The following ABLIM2 variants were observed in gnomAD, a reference collection of about 807,000 sequenced individuals.
ABLIM2 encodes actin binding LIM protein family member 2.
ABLIM2 carries 53 observed loss-of-function variants against 97.7 expected under a neutral mutation model. That is an observed-to-expected ratio of 0.54 (90% confidence interval 0.44 to 0.68). The LOEUF (loss-of-function observed/expected upper bound fraction) is 0.68, where lower values mean the gene tolerates loss of function less well. Among genes scored for constraint, ABLIM2 ranks in the 30% least tolerant of loss-of-function variants. The pLI is 0.00. For missense variants in ABLIM2, 835 were observed against 867.2 expected (o/e 0.96, Z 0.47); for synonymous variants, 361 against 345.8 (o/e 1.04, Z -0.49).
Position 7,966,944 on chromosome 4 carries a change from CT to C in ABLIM2, c.*45del. On this transcript the variant is annotated 3_prime_UTR_variant, in exon 21 of 21. Coordinates refer to ENST00000447017, the MANE Select transcript of ABLIM2 (RefSeq NM_001130083.2). ...TGTGTGCGGTTCTCGCCAGGGGCCC[CT>C]GGCCTCGGCGCCCGGCACACACCAG... 1 of 1,481,348 alleles carries C rather than the reference CT, an allele frequency of 6.8e-7. No homozygotes were observed. The allele number at this position is 1,481,348 out of a possible 1,614,324, so 91.8% of individuals were successfully genotyped here. A position where few individuals can be genotyped will look rare whatever the true frequency, so the allele number is the denominator to read the frequency against.
In ABLIM2 at chr4:8,112,554, A is replaced by C. The variant is rs1480944266; in HGVS notation, c.11-5917T>G. On this transcript the variant is annotated intron_variant, in intron 1 of 20. Transcript: ENST00000447017. This position sits in a 1 kb window ranked among gnomAD's most constrained non-coding sequence, Gnocchi z 4.2. The stretch of plus-strand genomic sequence containing the variant: ...GGTCAGATCAGGGGTGGCTATCAGA[A>C]AGAGGAAAAACGATGACTCTGAGGT... 6.6e-6 allele frequency among the ~76,000 whole-genome samples: 1 copy of C among 152,208 alleles called. No homozygotes were observed. The highest frequency in any genetic ancestry group is 1.5e-5 in the Non-Finnish European group (1 of 68,036).
intron 17 of ABLIM2, chr4:7,989,520 T>A: frequency 4.4e-6 from 3 of 684,322 alleles, no homozygotes; most frequent in Non-Finnish European, 5.4e-6. Context: ...GCCTCCATAA[T>A]GAATTAGTGT....
intron 2 of ABLIM2, 60 bp downstream of exon 2, chr4:8,106,434 G>C: frequency 1.3e-6 from 2 of 1,555,128 alleles, no homozygotes; most frequent in South Asian, 2.4e-5. Flanking sequence ...TGCGGGCCCA[G>C]GATCGCCGCT....
At chr4:8,007,691 C>T (rs374685971) in intron 16 of ABLIM2, 5 of 1,034,796 alleles carry the variant, frequency 4.8e-6, no homozygotes, top group East Asian at 8.6e-5. Flanking sequence ...ACTCATCAGC[C>T]GGACCATGCC....
At position 7,972,879 on chromosome 4, in the gene ABLIM2, C is replaced by T. The variant is rs146847822; in HGVS notation, c.1825-5776G>A. Among the ~76,000 whole-genome samples, 181 of 152,300 alleles carry T rather than the reference C, an allele frequency of 1.2e-3. 1 individual carries two copies. The highest frequency in any genetic ancestry group is 3.8e-3 in the African/African-American group (159 of 41,570). ...TTGTCACCCTCAGTCTACCAGGACA[C>T]ACCCTCTCATCAGACCAGTTGGATG... On this transcript the variant is annotated intron_variant, in intron 20 of 20. Coordinates refer to ENST00000447017, the MANE Select transcript of ABLIM2 (RefSeq NM_001130083.2).
chr4:7,983,593 G>T (rs961423903), intron 18 of ABLIM2, 39 bp from the exon 19 acceptor site: 2 of 1,609,916 alleles, frequency 1.2e-6, no homozygotes, highest in African/African-American at 1.3e-5. Context: ...AAATGGTTTA[G>T]AAAGTGCAAG....
At chr4:8,100,520 G>A (rs188035112) in intron 2 of ABLIM2, among the ~76,000 whole-genome samples, 40 of 152,264 alleles carry the variant, frequency 2.6e-4, no homozygotes, top group African/African-American at 9.6e-4. Flanking sequence ...GCTGAGGGGG[G>A]CGGATCACCT....
intron 6 of ABLIM2, among the ~76,000 whole-genome samples, chr4:8,065,077 T>A (rs188263923): frequency 1.5e-3 from 231 of 152,122 alleles, no homozygotes; most frequent in African/African-American, 5.3e-3. Flanking sequence ...TAGTGAGACA[T>A]GGTCTCTACA....
intron 1 of ABLIM2, among the ~76,000 whole-genome samples, chr4:8,134,633 G>A (rs776855946): frequency 4.6e-5 from 7 of 152,206 alleles, no homozygotes; most frequent in East Asian, 1.9e-4. Flanking sequence ...CAAATGTGCC[G>A]GAAATGTATG....
In ABLIM2 at chr4:7,999,547, G is replaced by C. The variant is rs192754616; in HGVS notation, c.1619-6620C>G. The stretch of plus-strand genomic sequence containing the variant: ...GATGAGGAGGGCTCCCTAGCTTCAG[G>C]AACCAGTAACCCTATCTGCTCCCAA... On this transcript the variant is annotated intron_variant, in intron 16 of 20. Transcript: ENST00000447017. This position sits in a 1 kb window ranked among gnomAD's most constrained non-coding sequence, Gnocchi z 4.4. Among the ~76,000 whole-genome samples, 95 of 152,322 alleles carry C rather than the reference G, an allele frequency of 6.2e-4. No individual in the cohort carries two copies. The highest frequency in any genetic ancestry group is 2.2e-3 in the African/African-American group (92 of 41,562).
intron 16 of ABLIM2, among the ~76,000 whole-genome samples, chr4:7,995,887 C>G (rs1342556873): frequency 6.6e-6 from 1 of 152,204 alleles, no homozygotes; most frequent in Non-Finnish European, 1.5e-5. Context: ...GCCTAGCCAG[C>G]TCTTCTCATG....
chr4:8,154,276 CT>C (rs1275350754), intron 1 of ABLIM2, among the ~76,000 whole-genome samples: 1 of 82,294 alleles, frequency 1.2e-5, no homozygotes, highest in Non-Finnish European at 2.9e-5. Context: ...ATTTTCTTTT[CT>C]TTTCTTTTTT....
chr4:8,114,637 G>A (rs1685184380), intron 1 of ABLIM2, among the ~76,000 whole-genome samples: 1 of 152,170 alleles, frequency 6.6e-6, no homozygotes, highest in Non-Finnish European at 1.5e-5. Flanking sequence ...TCTGGAGCCG[G>A]CCCCATTCTC....
At position 8,045,244 on chromosome 4, in the gene ABLIM2, G is replaced by A. The variant is rs761725986; in HGVS notation, c.823-3C>T. On this transcript the variant is annotated splice_polypyrimidine_tract_variant and splice_region_variant and intron_variant, in intron 8 of 20. Transcript: ENST00000447017. ...CTCTCTGAGGAAGTTCTGGTTTCCT[G>A]AGAAAGGAGAGAGGAAGAGATTGAA... is the stretch of plus-strand genomic sequence containing the variant. The A allele has an allele frequency of 4.3e-6, 7 of 1,612,896 alleles. No homozygotes were observed. The highest frequency in any genetic ancestry group is 5.9e-6 in the Non-Finnish European group (7 of 1,178,810).
rs556688034 is a variant in ABLIM2, at chr4:8,002,128, C to T, written c.1618+5931G>A. 1.2e-4 allele frequency among the ~76,000 whole-genome samples: 19 copies of T among 152,284 alleles called. No homozygotes were observed. The South Asian group carries it at 2.9e-3, about 23-fold the overall frequency. On this transcript the variant is annotated intron_variant, in intron 16 of 20. Coordinates refer to ENST00000447017, the MANE Select transcript of ABLIM2 (RefSeq NM_001130083.2). The surrounding 1 kb of genome is among the most constrained non-coding windows in gnomAD (Gnocchi z 6.1). ...GAGTGGCTGGGGCTACCAACTCCCA[C>T]GGTTCCAGTCCCATCTGGGAGCCGG...
In ABLIM2 at chr4:8,000,330, G is replaced by A. The variant is rs146391731; in HGVS notation, c.1619-7403C>T. On this transcript the variant is annotated intron_variant, in intron 16 of 20. Coordinates refer to ENST00000447017, the MANE Select transcript of ABLIM2 (RefSeq NM_001130083.2). ...CTCAGAGTCAGGCCACAGGATCCCC[G>A]TGTGCTCACGTGCAAGCTCCTCAAC... 1.6e-3 allele frequency among the ~76,000 whole-genome samples: 247 copies of A among 152,208 alleles called. 5 individuals carry two copies. The East Asian group carries it at 0.031, about 19-fold the overall frequency.
intron 1 of ABLIM2, among the ~76,000 whole-genome samples, chr4:8,151,977 C>T (rs920364640): frequency 1.9e-4 from 29 of 152,090 alleles, no homozygotes; most frequent in Admixed American, 9.2e-4. Context: ...CATGCAATGA[C>T]GCTAGGCAGG....
rs1723290975 is a variant in ABLIM2, at chr4:7,966,939, G to A, written c.*51C>T. 1.4e-6 allele frequency: 2 copies of A among 1,444,192 alleles called. No individual in the cohort carries two copies. Among genetic ancestry groups the A allele is most frequent in the Non-Finnish European group, 1.9e-6 (2 of 1,040,138 alleles). The allele number at this position is 1,444,192 out of a possible 1,614,324, so 89.5% of individuals were successfully genotyped here. ...AGGGGTGTGTGCGGTTCTCGCCAGGGGCCCCTGGCCTCGGCGCCCGGCACA... is the reference window on the plus strand; with the variant it reads ...AGGGGTGTGTGCGGTTCTCGCCAGGAGCCCCTGGCCTCGGCGCCCGGCACA... On this transcript the variant is annotated 3_prime_UTR_variant, in exon 21 of 21. Coordinates refer to ENST00000447017, the MANE Select transcript of ABLIM2 (RefSeq NM_001130083.2).
At chr4:7,968,657 G>T (rs930112818) in intron 20 of ABLIM2, among the ~76,000 whole-genome samples, 4 of 152,330 alleles carry the variant, frequency 2.6e-5, no homozygotes, top group Admixed American at 2.6e-4. Flanking sequence ...GCATGGATTC[G>T]TGGTCGCCAG....
Sources: gnomAD v4.1 joint callset for allele counts (sites outside exome capture counted in the v4.1 genomes callset) on GRCh38, gnomAD v4.1.1 for gene constraint, Gnocchi (gnomAD v3.1) non-coding constraint, MANE v1.5 for transcripts, NCBI Gene and HGNC (gene_info 2026-07-23, HGNC 2026-07-21) for gene names.